RBL1: variants seen among roughly 807,000 people sequenced by gnomAD.
The protein encoded by RBL1 is RB transcriptional corepressor like 1.
A neutral mutation model predicts 123.0 loss-of-function variants in RBL1; 82 were observed. That is an observed-to-expected ratio of 0.67 (90% CI 0.56 to 0.80). The LOEUF (loss-of-function observed/expected upper bound fraction) is 0.80. RBL1 is among the 30% of genes least tolerant of loss of function. RBL1 has a pLI of 0.00. For synonymous variants in RBL1, 405 were observed against 441.3 expected, an observed-to-expected ratio of 0.92 and a Z score of 1.03; for missense variants, 1,171 against 1,299.6, an observed-to-expected ratio of 0.90 and a Z score of 1.52.
intron 19 of RBL1, among the ~76,000 whole-genome samples, chr20:37,008,027 C>T (rs2064103611): frequency 6.6e-6 from 1 of 152,170 alleles, no homozygotes; most frequent in Non-Finnish European, 1.5e-5. Context: ...ACTTATAAGT[C>T]AAATTGGAAT....
At chr20:37,084,574 C>T (rs189711829) in intron 2 of RBL1, among the ~76,000 whole-genome samples, 50 of 152,204 alleles carry the variant, frequency 3.3e-4, no homozygotes, top group African/African-American at 1.2e-3. Flanking sequence ...TGGTGTATAC[C>T]TGTGGTCCCA....
intron 2 of RBL1, among the ~76,000 whole-genome samples, chr20:37,083,182 G>A (rs1440613667): frequency 1.3e-5 from 2 of 151,788 alleles, no homozygotes; most frequent in African/African-American, 2.4e-5. Flanking sequence ...AACGTTTTGC[G>A]GAAGGCTGGG....
chr20:37,053,483 G>A (rs1264828456), intron 11 of RBL1, among the ~76,000 whole-genome samples: 1 of 152,088 alleles, frequency 6.6e-6, no homozygotes, highest in East Asian at 1.9e-4. Context: ...CTAGGGTTGG[G>A]GCCCGCCTTT....
intron 14 of RBL1, among the ~76,000 whole-genome samples, chr20:37,038,373 C>G (rs2064664281): frequency 6.7e-6 from 1 of 148,842 alleles, no homozygotes. Context: ...ACGATCTTTG[C>G]TCACTGCAAC....
At chr20:37,037,395 C>T (rs895962322) in intron 14 of RBL1, among the ~76,000 whole-genome samples, 3 of 152,124 alleles carry the variant, frequency 2.0e-5, no homozygotes, top group Admixed American at 2.0e-4. Flanking sequence ...AAAAGATGCT[C>T]ACTTAGTTAT....
chr20:37,052,192 C>A (rs1185441893), intron 11 of RBL1, among the ~76,000 whole-genome samples: 1 of 151,810 alleles, frequency 6.6e-6, no homozygotes, highest in African/African-American at 2.4e-5. Flanking sequence ...ACCACTATGC[C>A]TGGCCAATTG....
Position 36,999,725 on chromosome 20 carries a change from C to A in RBL1, c.3037-796G>T, listed in dbSNP as rs537338197. Among the ~76,000 whole-genome samples the A allele has an allele frequency of 2.0e-5, 3 of 152,358 alleles. No homozygotes were observed. The East Asian group carries it at 5.8e-4, about 29-fold the overall frequency. On this transcript the variant is annotated intron_variant, in intron 21 of 21. Coordinates refer to ENST00000373664, the MANE Select transcript of RBL1 (RefSeq NM_002895.5). The stretch of plus-strand genomic sequence containing the variant: ...GCCGGGCCGGTCTCCAGCTCCTAAC[C>A]GCGAGTGATCCGCCAGCCTCGGCCT...
chr20:37,074,471 G>A (rs1234991608), intron 2 of RBL1, among the ~76,000 whole-genome samples: 1 of 149,416 alleles, frequency 6.7e-6, no homozygotes, highest in African/African-American at 2.5e-5. Flanking sequence ...CACTATCCAA[G>A]CAAGTACATG....
chr20:37,052,011 CATTTT>C (rs1405366104), intron 11 of RBL1, among the ~76,000 whole-genome samples: 2 of 151,256 alleles, frequency 1.3e-5, no homozygotes, highest in African/African-American at 4.8e-5. Context: ...CAGAGAGGAA[CATTTT>C]ATTTATTTAT....
chr20:37,064,422 C>T (rs895471321), intron 7 of RBL1, among the ~76,000 whole-genome samples: 2 of 152,002 alleles, frequency 1.3e-5, no homozygotes, highest in African/African-American at 4.8e-5. Flanking sequence ...AGGCATAAGC[C>T]ATTGCACGCC....
At chr20:37,064,903 G>A (rs2065154453) in intron 7 of RBL1, among the ~76,000 whole-genome samples, 1 of 151,908 alleles carries the variant, frequency 6.6e-6, no homozygotes, top group African/African-American at 2.4e-5. Flanking sequence ...TGGGATTACA[G>A]GCGTGAGCCA....
In RBL1 at chr20:37,000,972, G is replaced by A. The variant is rs563327584; in HGVS notation, c.3037-2043C>T. 1.0e-3 allele frequency among the ~76,000 whole-genome samples: 142 copies of A among 139,708 alleles called. 1 individual carries two copies. The highest frequency in any genetic ancestry group is 1.5e-3 in the Non-Finnish European group (97 of 63,834). 91.7% of individuals were successfully genotyped at this position (139,708 alleles called of 152,430 possible). On this transcript the variant is annotated intron_variant, in intron 21 of 21. Transcript: ENST00000373664. The stretch of plus-strand genomic sequence containing the variant: ...GCGCCTCTGCCCGGCCGCCCCTACT[G>A]GGAAGAGAGGAGCCCCTCTGCCTGG...
At chr20:37,058,127 AAACAAAACAAAAC>A (rs1459916151) in intron 9 of RBL1, among the ~76,000 whole-genome samples, 18 of 143,438 alleles carry the variant, frequency 1.3e-4, no homozygotes, top group South Asian at 4.3e-4. Flanking sequence ...AAAAAAAAAA[AAACAAAACAAAAC>A]AAAAAAAAAA....
chr20:37,007,654 G>A (rs2064096025), intron 19 of RBL1, 95 bp from the exon 20 acceptor site: 2 of 1,269,412 alleles, frequency 1.6e-6, no homozygotes, highest in South Asian at 2.9e-5. Flanking sequence ...GTGCAGTGGT[G>A]CAATCTTGGC....
intron 5 of RBL1, 32 bp downstream of exon 5, chr20:37,066,961 A>C (rs970958894): frequency 6.3e-6 from 10 of 1,591,328 alleles, no homozygotes; most frequent in African/African-American, 1.4e-5. Flanking sequence ...AAAACTGATA[A>C]TCAGTTTTCA....
chr20:37,069,123 G>A (rs1159980962), intron 2 of RBL1, among the ~76,000 whole-genome samples: 3 of 152,266 alleles, frequency 2.0e-5, no homozygotes, highest in African/African-American at 4.8e-5. Flanking sequence ...TGCAGACGGA[G>A]TCTGGTTCAC....
At chr20:37,069,509 G>A (rs928624524) in intron 2 of RBL1, among the ~76,000 whole-genome samples, 1 of 151,068 alleles carries the variant, frequency 6.6e-6, no homozygotes, top group Non-Finnish European at 1.5e-5. Flanking sequence ...GGGATGTGAG[G>A]AGCACCTCTG....
At chr20:37,024,998 C>A (rs1156500266) in intron 16 of RBL1, among the ~76,000 whole-genome samples, 1 of 152,178 alleles carries the variant, frequency 6.6e-6, no homozygotes, top group South Asian at 2.1e-4. Context: ...AAGACTATTT[C>A]ATTCAAAGAA....
At chr20:37,006,752 A>C (rs2064079203) in intron 20 of RBL1, among the ~76,000 whole-genome samples, 1 of 150,070 alleles carries the variant, frequency 6.7e-6, no homozygotes, top group African/African-American at 2.4e-5. Context: ...AGGCAGGAGA[A>C]TCACTTGAGC....
Sources: gnomAD v4.1 joint callset for allele counts (sites outside exome capture counted in the v4.1 genomes callset) on GRCh38, gnomAD v4.1.1 for gene constraint, MANE v1.5 for transcripts, NCBI Gene and HGNC (gene_info 2026-07-23, HGNC 2026-07-21) for gene names.